The following CAPN15 variants were observed in gnomAD, a reference collection of about 807,000 sequenced individuals.
CAPN15 encodes calpain 15.
Under a neutral mutation model 97.9 loss-of-function variants are expected in CAPN15, and 53 were observed. The observed-to-expected ratio is 0.54, with a 90% confidence interval of 0.43 to 0.68. CAPN15 has a LOEUF of 0.68. Ranked by LOEUF, CAPN15 falls within the 30% of genes least tolerant of loss-of-function variation. The probability of loss-of-function intolerance (pLI) is 0.00; values close to 1 mark genes in which losing one functional copy is unlikely to be tolerated. For missense variants in CAPN15, 1,592 were observed against 1,589.8 expected (o/e 1.00, Z -0.02); for synonymous variants, 922 against 722.5 (o/e 1.28, Z -4.43).
rs748317372 is a variant in CAPN15, at chr16:549,788, C to T, written c.2016C>T (p.Pro672=). ...GCTCCACTAACCCCCGCGAGGAGCCCGTTGACACTGACCTCATCTGGGCCA... is the reference window on the plus strand; with the variant it reads ...GCTCCACTAACCCCCGCGAGGAGCCTGTTGACACTGACCTCATCTGGGCCA... ...QLSSTNPREE[P]VDTDLIWAKM... Residue 672 remains proline, a synonymous_variant, in exon 7 of 14, where the codon CCC becomes CCT. Transcript: ENST00000219611. 16 of 1,592,172 alleles carry T rather than the reference C, an allele frequency of 1.0e-5. No homozygotes were observed. In the East Asian group the frequency reaches 1.1e-4, roughly 11 times the overall value.
intron 2 of CAPN15, among the ~76,000 whole-genome samples, chr16:534,496 T>C (rs1417678685): frequency 2.0e-5 from 3 of 152,122 alleles, no homozygotes; most frequent in Non-Finnish European, 2.9e-5. Flanking sequence ...CCTTGTTTCT[T>C]GTAGGGACGA....
chr16:531,230 G>A (rs951932375), intron 1 of CAPN15, among the ~76,000 whole-genome samples: 15 of 152,056 alleles, frequency 9.9e-5, no homozygotes, highest in African/African-American at 3.1e-4. Flanking sequence ...AGCCAGGGTC[G>A]TGCTCTGTTG....
intron 3 of CAPN15, among the ~76,000 whole-genome samples, chr16:544,689 G>A (rs1006641327): frequency 6.9e-6 from 1 of 145,154 alleles, no homozygotes; most frequent in Non-Finnish European, 1.5e-5. Flanking sequence ...GGAGCGGCCC[G>A]TCGCCTCCCC....
At position 554,129 on chromosome 16, in the gene CAPN15, CAGGCGGGCGCCAG is replaced by C. The variant is rs2035290980; in HGVS notation, c.*614_*626del. 1 of 210,486 alleles carries C rather than the reference CAGGCGGGCGCCAG, an allele frequency of 4.8e-6. No homozygotes were observed. Among genetic ancestry groups the C allele is most frequent in the African/African-American group, 2.3e-5 (1 of 43,266 alleles). The allele number at this position is 210,486 out of a possible 1,614,324, so 13.0% of individuals were successfully genotyped here. ...CCAGGATCGAAGCCATGACTGGGTG[CAGGCGGGCGCCAG>C]GCCCGCTGTGGGTGGGCACCAGTTC... is the stretch of plus-strand genomic sequence containing the variant. On this transcript the variant is annotated 3_prime_UTR_variant, in exon 14 of 14. Coordinates refer to ENST00000219611, the MANE Select transcript of CAPN15 (RefSeq NM_005632.3).
At chr16:544,001 G>A (rs946136832) in intron 3 of CAPN15, among the ~76,000 whole-genome samples, 35 of 152,302 alleles carry the variant, frequency 2.3e-4, no homozygotes, top group South Asian at 8.3e-4. Flanking sequence ...TGCGGCCGGC[G>A]TGGGGCTGAG....
At position 547,114 on chromosome 16, in the gene CAPN15, C is replaced by T; in HGVS notation, c.276C>T (p.Ala92=). Residue 92 remains alanine (A), a synonymous_variant, in exon 4 of 14, where the codon GCC becomes GCT. Coordinates refer to ENST00000219611, the MANE Select transcript of CAPN15 (RefSeq NM_005632.3). The part of the protein sequence containing the change: ...VLNGVLPKPP[A]ILGEPKGSCQ... ...ACGGGGTCCTCCCCAAGCCACCCGC[C>T]ATCCTGGGGGAGCCCAAGGGCAGCT... is the stretch of plus-strand genomic sequence containing the variant. 6.3e-7 allele frequency: 1 copy of T among 1,575,314 alleles called. No homozygotes were observed. Among genetic ancestry groups the T allele is most frequent in the Non-Finnish European group, 8.6e-7 (1 of 1,162,138 alleles).
chr16:545,096 C>T (rs867059774), intron 3 of CAPN15, among the ~76,000 whole-genome samples: 4 of 151,928 alleles, frequency 2.6e-5, no homozygotes, highest in African/African-American at 7.3e-5. Context: ...CAGGCTTTGG[C>T]GGTCTGGCCT....
At position 552,799 on chromosome 16, in the gene CAPN15, C is replaced by CGTGGGGGGGGGGGGGGGTGGGTGGG; in HGVS notation, c.2904+34_2904+35insGGGGGGGGGGGTGGGTGGGGTGGGG. 1 of 1,511,130 alleles carries CGTGGGGGGGGGGGGGGGTGGGTGGG rather than the reference C, an allele frequency of 6.6e-7. No homozygotes were observed. The allele number at this position is 1,511,130 out of a possible 1,614,324, so 93.6% of individuals were successfully genotyped here. A position where few individuals can be genotyped will look rare whatever the true frequency, so the allele number is the denominator to read the frequency against. ...GGGTGGGGGTCCCGGGGGAGGGTGG[C>CGTGGGGGGGGGGGGGGGTGGGTGGG]GTGGGGCAGGGGGAGTATGCCCCAG... On this transcript the variant is annotated intron_variant, in intron 12 of 13. Coordinates refer to ENST00000219611, the MANE Select transcript of CAPN15 (RefSeq NM_005632.3). The surrounding 1 kb of genome is among the most constrained non-coding windows in gnomAD (Gnocchi z 6.4).
chr16:553,280 C>A, intron 13 of CAPN15, 59 bp from the exon 14 acceptor site: 1 of 1,271,656 alleles, frequency 7.9e-7, no homozygotes, highest in Non-Finnish European at 1.1e-6. Context: ...CAGGTGGGCA[C>A]AGCCCTGCCC....
rs762523863 is a variant in CAPN15 at position 552,103 on chromosome 16, C to T, written c.2398C>T (p.Arg800Trp). ...CKVHSDWQEA[R>W]VQGCFPSSAS... ...GGTGCACTCGGACTGGCAGGAGGCG[C>T]GGGTGCAGGGCTGCTTTCCCAGCTC... is the stretch of plus-strand genomic sequence containing the variant. Residue 800 changes from arginine (R) to tryptophan (W), a missense_variant, in exon 10 of 14, where the codon CGG becomes TGG. This residue lies in a region of CAPN15 where 644 missense variants were observed against 699.6 expected (regional missense o/e 0.92). Transcript: ENST00000219611. This position sits in a 1 kb window ranked among gnomAD's most constrained non-coding sequence, Gnocchi z 6.4. The T allele has an allele frequency of 2.6e-5, 41 of 1,548,960 alleles. No homozygotes were observed. The highest frequency in any genetic ancestry group is 3.2e-5 in the Non-Finnish European group (37 of 1,146,906).
Position 535,610 on chromosome 16 carries a change from T to A in CAPN15, c.-136-419T>A, listed in dbSNP as rs2033647463. ...AGCTGCACAGTTGGACTTGTGGGGG[T>A]CAGGCATGGATCCACACAGCCCGGG... On this transcript the variant is annotated intron_variant, in intron 2 of 13. Transcript: ENST00000219611. This position sits in a 1 kb window ranked among gnomAD's most constrained non-coding sequence, Gnocchi z 6.2. 6.6e-6 allele frequency among the ~76,000 whole-genome samples: 1 copy of A among 151,730 alleles called. No homozygotes were observed. The highest frequency in any genetic ancestry group is 6.6e-5 in the Admixed American group (1 of 15,240).
rs2034631536 is a variant in CAPN15, at chr16:547,000, C to G, written c.162C>G (p.Thr54=). 2 of 1,610,236 alleles carry G rather than the reference C, an allele frequency of 1.2e-6. No individual in the cohort carries two copies. Among genetic ancestry groups the G allele is most frequent in the Non-Finnish European group, 1.7e-6 (2 of 1,179,850 alleles). ...EEQKWPCARC[T]FRNFLGKEAC... ...AGAAATGGCCCTGCGCCCGCTGCACCTTCCGCAACTTCCTGGGCAAGGAGG... is the reference window on the plus strand; with the variant it reads ...AGAAATGGCCCTGCGCCCGCTGCACGTTCCGCAACTTCCTGGGCAAGGAGG... Residue 54 remains threonine, a synonymous_variant, in exon 4 of 14, where the codon ACC becomes ACG. Transcript: ENST00000219611.
Position 547,229 on chromosome 16 carries a change from AAGGAGGAGCAGGAGG to A in CAPN15, c.400_414del (p.Gln134_Glu138del). On this transcript the variant is annotated inframe_deletion, in exon 4 of 14. Coordinates refer to ENST00000219611, the MANE Select transcript of CAPN15 (RefSeq NM_005632.3). ...GTGCGAGGACAAGGACGAGGAGGAG[AAGGAGGAGCAGGAGG>A]AGGAGGAGGGAGCGGCGGAGCCCAG... is the stretch of plus-strand genomic sequence containing the variant. 6.6e-7 allele frequency: 1 copy of A among 1,521,756 alleles called. No individual in the cohort carries two copies. The highest frequency in any genetic ancestry group is 8.8e-7 in the Non-Finnish European group (1 of 1,140,662). 94.3% of individuals were successfully genotyped at this position (1,521,756 alleles called of 1,614,324 possible).
chr16:553,091 TA>T, intron 13 of CAPN15, 50 bp downstream of exon 13: 1 of 714,686 alleles, frequency 1.4e-6, no homozygotes, highest in South Asian at 1.9e-5. Context: ...CCCCCTCCCC[TA>T]CCCCGCTGCA....
In CAPN15 at chr16:549,162, G is replaced by A. The variant is rs757368184; in HGVS notation, c.1619G>A (p.Arg540Gln). Residue 540 changes from arginine (R) to glutamine (Q), a missense_variant, in exon 5 of 14, where the codon CGG becomes CAG. Coordinates refer to ENST00000219611, the MANE Select transcript of CAPN15 (RefSeq NM_005632.3). The stretch of plus-strand genomic sequence containing the variant: ...ACGTGGTCTGTGTTCCACACACTGC[G>A]GCCCTCAGACATCCTGCAGGGGCTG... ...RATWSVFHTLRPSDILQGLLG... is the reference protein window; with the variant it reads ...RATWSVFHTLQPSDILQGLLG... 44 of 1,517,526 alleles carry A rather than the reference G, an allele frequency of 2.9e-5. No individual in the cohort carries two copies. Among genetic ancestry groups the A allele is most frequent in the Admixed American group, 7.2e-5 (4 of 55,224 alleles). The allele number at this position is 1,517,526 out of a possible 1,614,324, so 94.0% of individuals were successfully genotyped here. A position where few individuals can be genotyped will look rare whatever the true frequency, so the allele number is the denominator to read the frequency against.
chr16:532,992 G>A (rs900553263), intron 1 of CAPN15, among the ~76,000 whole-genome samples: 2 of 152,152 alleles, frequency 1.3e-5, no homozygotes, highest in South Asian at 2.1e-4. Flanking sequence ...AGGCCGAGGC[G>A]GGTGGATCAC....
At chr16:553,257 T>C (rs2035242185) in intron 13 of CAPN15, 82 bp from the exon 14 acceptor site, 2 of 892,530 alleles carry the variant, frequency 2.2e-6, no homozygotes, top group Non-Finnish European at 3.4e-6. Flanking sequence ...CCACTCCTGC[T>C]CCTGCCCCTG....
rs1437789365 is a variant in CAPN15 at position 547,531 on chromosome 16, C to T, written c.693C>T (p.Pro231=). Residue 231 remains proline (P), a synonymous_variant, in exon 4 of 14, where the codon CCC becomes CCT. Transcript: ENST00000219611. Reference sequence around the variant, plus strand: ...AACCAGAGCCGCCCAGGGTCCCGCCCTTCAGCCCCTTCTCGTCCACCCTGC... The same window carrying T: ...AACCAGAGCCGCCCAGGGTCCCGCCTTTCAGCCCCTTCTCGTCCACCCTGC... ...AAEPEPPRVP[P]FSPFSSTLQN... is the part of the protein sequence containing the mutation. 4.1e-5 allele frequency: 65 copies of T among 1,597,800 alleles called. No homozygotes were observed. The highest frequency in any genetic ancestry group is 5.4e-5 in the Non-Finnish European group (64 of 1,178,956).
chr16:544,878 G>A (rs1305721267), intron 3 of CAPN15, among the ~76,000 whole-genome samples: 1 of 79,034 alleles, frequency 1.3e-5, no homozygotes, highest in Non-Finnish European at 2.5e-5. Flanking sequence ...CTCCCCTCAC[G>A]TCGTCGTCTC....
Sources: gnomAD v4.1 joint callset for allele counts (sites outside exome capture counted in the v4.1 genomes callset) on GRCh38, gnomAD v4.1.1 for gene constraint, gnomAD v4.1.1 regional missense constraint, Gnocchi (gnomAD v3.1) non-coding constraint, MANE v1.5 for transcripts, NCBI Gene and HGNC (gene_info 2026-07-23, HGNC 2026-07-21) for gene names.